MICU2: variants seen among roughly 807,000 people sequenced by gnomAD.
MICU2 encodes calcium uptake protein 2, mitochondrial.
In MICU2, 64 loss-of-function variants were observed where a neutral mutation model predicts 60.4. The ratio of observed to expected loss-of-function variants is 1.06; its 90% confidence interval spans 0.87 to 1.31. The LOEUF (loss-of-function observed/expected upper bound fraction) is 1.31, where lower values mean the gene tolerates loss of function less well. Among genes scored for constraint, MICU2 ranks in the 50% most tolerant of loss-of-function variants. The pLI is 0.00. For missense variants in MICU2, 569 were observed against 531.0 expected, an observed-to-expected ratio of 1.07 and a Z score of -0.70; for synonymous variants, 201 against 175.0, an observed-to-expected ratio of 1.15 and a Z score of -1.17.
chr13:21,586,406 G>GT (rs951650901), intron 1 of MICU2, among the ~76,000 whole-genome samples: 1 of 151,990 alleles, frequency 6.6e-6, no homozygotes, highest in Non-Finnish European at 1.5e-5. Flanking sequence ...TTCTACTTGT[G>GT]TTTTTTGTTT....
chr13:21,559,933 T>C (rs879160430), intron 2 of MICU2, among the ~76,000 whole-genome samples: 1 of 152,254 alleles, frequency 6.6e-6, no homozygotes, highest in Non-Finnish European at 1.5e-5. Flanking sequence ...TTGCTAATCT[T>C]ATATAAAATT....
At chr13:21,553,003 C>T (rs1887612446) in intron 2 of MICU2, among the ~76,000 whole-genome samples, 1 of 152,170 alleles carries the variant, frequency 6.6e-6, no homozygotes, top group African/African-American at 2.4e-5. Context: ...GGCGTTGAAT[C>T]TATAAATTAC....
intron 4 of MICU2, among the ~76,000 whole-genome samples, chr13:21,527,385 G>A (rs1307777025): frequency 6.6e-6 from 1 of 152,116 alleles, no homozygotes; most frequent in Non-Finnish European, 1.5e-5. Flanking sequence ...TTAGACACAG[G>A]TACAGGTCCT....
At chr13:21,517,817 ACG>A (rs1886619415) in intron 6 of MICU2, among the ~76,000 whole-genome samples, 1 of 143,596 alleles carries the variant, frequency 7.0e-6, no homozygotes, top group African/African-American at 2.5e-5. Context: ...GCGCGCGCAC[ACG>A]CGCTACATAC....
intron 1 of MICU2, chr13:21,602,774 T>C (rs1277860332): frequency 6.6e-6 from 1 of 152,196 alleles, no homozygotes; most frequent in South Asian, 2.1e-4. Context: ...TTTTGTTGTA[T>C]CTGAATGTTC....
chr13:21,513,153 C>T (rs1295359111), intron 7 of MICU2, among the ~76,000 whole-genome samples: 1 of 151,542 alleles, frequency 6.6e-6, no homozygotes, highest in Non-Finnish European at 1.5e-5. Context: ...TGCAGATTTC[C>T]TGGGAGTTTC....
At chr13:21,536,268 T>G (rs1191207655) in intron 4 of MICU2, among the ~76,000 whole-genome samples, 1 of 152,240 alleles carries the variant, frequency 6.6e-6, no homozygotes, top group South Asian at 2.1e-4. Flanking sequence ...TATGGAGTTA[T>G]TATACCTTTG....
At chr13:21,553,736 G>C (rs1030581142) in intron 2 of MICU2, among the ~76,000 whole-genome samples, 9 of 152,144 alleles carry the variant, frequency 5.9e-5, no homozygotes, top group Non-Finnish European at 1.3e-4. Flanking sequence ...GGCACAGACT[G>C]ACAAATTGGA....
At chr13:21,600,328 T>G (rs1175969095) in intron 1 of MICU2, among the ~76,000 whole-genome samples, 1 of 152,214 alleles carries the variant, frequency 6.6e-6, no homozygotes, top group Non-Finnish European at 1.5e-5. Context: ...AGAAAACTCT[T>G]CCCCTTCTCT....
chr13:21,595,402 C>G (rs767919743), intron 1 of MICU2, among the ~76,000 whole-genome samples: 3 of 152,238 alleles, frequency 2.0e-5, no homozygotes, highest in Non-Finnish European at 2.9e-5. Flanking sequence ...CCCTCACAGA[C>G]CAGCCAGAAC....
At position 21,604,017 on chromosome 13, in the gene MICU2, C is replaced by G; in HGVS notation, c.132G>C (p.Leu44=). The change falls in exon 1 of 12, where the codon CTG becomes CTC. Residue 44 remains leucine, a synonymous_variant. Transcript: ENST00000382374. The part of the protein sequence containing the change: ...PLAAAVAGAA[L]AGAGAAWHHS... ...GGTGCCAGGCCGCTCCTGCTCCTGCCAGGGCCGCGCCGGCCACTGCCGCTG... is the reference window on the plus strand; with the variant it reads ...GGTGCCAGGCCGCTCCTGCTCCTGCGAGGGCCGCGCCGGCCACTGCCGCTG... 1 of 1,609,240 alleles carries G rather than the reference C, an allele frequency of 6.2e-7. No homozygotes were observed. Among genetic ancestry groups the G allele is most frequent in the Non-Finnish European group, 8.5e-7 (1 of 1,178,568 alleles).
chr13:21,501,419 T>C (rs527342992), intron 9 of MICU2, among the ~76,000 whole-genome samples: 34 of 152,122 alleles, frequency 2.2e-4, no homozygotes, highest in Non-Finnish European at 3.4e-4. Flanking sequence ...CCTGCCACCA[T>C]GCCTGGCTAA....
At chr13:21,534,208 TTTCC>T (rs1593330936) in intron 4 of MICU2, among the ~76,000 whole-genome samples, 7 of 135,932 alleles carry the variant, frequency 5.1e-5, no homozygotes, top group East Asian at 2.1e-4. Context: ...TTCCTTTTCC[TTTCC>T]TTTTTTTTTT....
rs558194360 is a variant in MICU2, at chr13:21,539,773, C to G, written c.359-85G>C. The stretch of plus-strand genomic sequence containing the variant: ...CTAAGAAAGAAAATTATTTAAAAGA[C>G]AAAACAAACAACTAAATATTTATTT... On this transcript the variant is annotated intron_variant, in intron 2 of 11. Transcript: ENST00000382374. 8 of 1,191,518 alleles carry G rather than the reference C, an allele frequency of 6.7e-6. No individual in the cohort carries two copies. The African/African-American group carries it at 9.2e-5, about 14-fold the overall frequency. The allele number at this position is 1,191,518 out of a possible 1,614,324, so 73.8% of individuals were successfully genotyped here. A position where few individuals can be genotyped will look rare whatever the true frequency, so the allele number is the denominator to read the frequency against.
intron 1 of MICU2, among the ~76,000 whole-genome samples, chr13:21,571,385 G>C (rs1200891817): frequency 6.6e-6 from 1 of 152,044 alleles, no homozygotes; most frequent in African/African-American, 2.4e-5. Context: ...AAAAATAATA[G>C]AAATTAAAAT....
chr13:21,516,093 T>C (rs772975483), intron 6 of MICU2, among the ~76,000 whole-genome samples: 1 of 152,210 alleles, frequency 6.6e-6, no homozygotes, highest in Non-Finnish European at 1.5e-5. Flanking sequence ...TCTATACCTC[T>C]ACCTGCTCCC....
intron 4 of MICU2, among the ~76,000 whole-genome samples, chr13:21,526,928 C>T (rs979546281): frequency 6.6e-6 from 1 of 152,020 alleles, no homozygotes; most frequent in African/African-American, 2.4e-5. Context: ...GACTCCCAAG[C>T]AAATAAAGGA....
chr13:21,546,634 T>C (rs1315061813), intron 2 of MICU2, among the ~76,000 whole-genome samples: 1 of 152,194 alleles, frequency 6.6e-6, no homozygotes, highest in African/African-American at 2.4e-5. Flanking sequence ...AGAAGCTAAG[T>C]GCCAAGGCTA....
chr13:21,513,116 CTTTGT>C (rs1201535307), intron 7 of MICU2, among the ~76,000 whole-genome samples: 8 of 152,108 alleles, frequency 5.3e-5, no homozygotes, highest in African/African-American at 1.4e-4. Context: ...GTTCTAGAAG[CTTTGT>C]TTTGTTTTGT....
Sources: allele counts gnomAD v4.1 joint callset (sites outside exome capture counted in the v4.1 genomes callset), GRCh38; gene constraint gnomAD v4.1.1; transcripts MANE v1.5; gene names NCBI Gene and HGNC (gene_info 2026-07-23, HGNC 2026-07-21).